Variants in ZBTB8OS observed in about 807,000 individuals in gnomAD.
The protein encoded by ZBTB8OS is tRNA-splicing ligase-activating factor archease.
A neutral mutation model predicts 29.3 loss-of-function variants in ZBTB8OS; 16 were observed. The observed-to-expected ratio is 0.55, with a 90% CI of 0.37 to 0.83. The LOEUF (loss-of-function observed/expected upper bound fraction) is 0.83. Ranked by LOEUF, ZBTB8OS falls within the 40% of genes least tolerant of loss-of-function variation. ZBTB8OS has a pLI of 0.00. For missense variants in ZBTB8OS, 160 were observed against 196.9 expected (o/e 0.81, Z 1.12); for synonymous variants, 70 against 64.6 (o/e 1.08, Z -0.40).
chr1:32,627,319 G>A (rs1355699446), intron 6 of ZBTB8OS, among the ~76,000 whole-genome samples, 189 bp downstream of exon 6: 2 of 152,250 alleles, frequency 1.3e-5, no homozygotes, highest in South Asian at 2.1e-4. Flanking sequence ...CAATGCTGAC[G>A]CCTCATCCAC....
chr1:32,629,749 C>CT (rs869185319), intron 5 of ZBTB8OS, among the ~76,000 whole-genome samples: 2,458 of 114,048 alleles, frequency 0.022, 57 homozygotes, highest in African/African-American at 0.045. Context: ...ATGCTTGTTT[C>CT]TTTTTTTTTT....
intron 2 of ZBTB8OS, 22 bp from the exon 3 acceptor site, chr1:32,634,094 C>T: frequency 6.9e-7 from 1 of 1,442,020 alleles, no homozygotes; most frequent in South Asian, 1.7e-5. Flanking sequence ...TATTCATGCT[C>T]TGTGTAATAC....
chr1:32,628,631 G>A (rs1416813028), intron 5 of ZBTB8OS, among the ~76,000 whole-genome samples: 42 of 140,024 alleles, frequency 3.0e-4, no homozygotes, highest in African/African-American at 1.1e-3. Context: ...GCGAGACTCT[G>A]TCTCAAAAAA....
At chr1:32,637,024 C>G (rs1012430031) in intron 1 of ZBTB8OS, among the ~76,000 whole-genome samples, 1 of 152,050 alleles carries the variant, frequency 6.6e-6, no homozygotes, top group Middle Eastern at 3.2e-3. Context: ...AATTTCCACA[C>G]TGTCAGCTGT....
rs190464686 is a variant in ZBTB8OS at position 32,621,750 on chromosome 1, A to G, written c.*112T>C. ...ACTTTAACTAAAATATTTCTGTTCT[A>G]CAAATTTCCATATATCAAAAAAAAG... On this transcript the variant is annotated 3_prime_UTR_variant, in exon 7 of 7. Transcript: ENST00000468695. 41 of 771,450 alleles carry G rather than the reference A, an allele frequency of 5.3e-5. No homozygotes were observed. The East Asian group carries it at 8.2e-4, about 15-fold the overall frequency. The allele number at this position is 771,450 out of a possible 1,614,324, so 47.8% of individuals were successfully genotyped here. A position where few individuals can be genotyped will look rare whatever the true frequency, so the allele number is the denominator to read the frequency against.
chr1:32,641,656 G>A (rs1282400135), intron 1 of ZBTB8OS, among the ~76,000 whole-genome samples: 2 of 147,900 alleles, frequency 1.4e-5, no homozygotes, highest in African/African-American at 4.9e-5. Context: ...GCTCACACCT[G>A]TAATCCCAGC....
chr1:32,625,150 G>C (rs1645019791), intron 6 of ZBTB8OS, among the ~76,000 whole-genome samples: 1 of 151,840 alleles, frequency 6.6e-6, no homozygotes, highest in Admixed American at 6.6e-5. Flanking sequence ...TTGAACCTGG[G>C]AGGGGGAGGT....
intron 1 of ZBTB8OS, among the ~76,000 whole-genome samples, chr1:32,645,431 G>A (rs1370419848): frequency 2.0e-5 from 3 of 152,180 alleles, no homozygotes; most frequent in South Asian, 2.1e-4. Flanking sequence ...GAGCCTAGGA[G>A]CTCAAGCTTG....
chr1:32,623,875 CTT>C, intron 6 of ZBTB8OS, among the ~76,000 whole-genome samples: 1 of 152,188 alleles, frequency 6.6e-6, no homozygotes, highest in African/African-American at 2.4e-5. Flanking sequence ...CAAATCTCAT[CTT>C]GAACTGTAGT....
intron 1 of ZBTB8OS, among the ~76,000 whole-genome samples, chr1:32,650,108 G>T (rs1647213319): frequency 6.6e-6 from 1 of 152,160 alleles, no homozygotes; most frequent in Non-Finnish European, 1.5e-5. Context: ...TCACCGTTGG[G>T]AAATACATGG....
At chr1:32,640,101 A>G (rs572842782) in intron 1 of ZBTB8OS, 2 of 148,756 alleles carry the variant, frequency 1.3e-5, no homozygotes, top group South Asian at 2.1e-4. Context: ...AACTCAAAAC[A>G]TGGTATTTTT....
In ZBTB8OS at chr1:32,627,730, A is replaced by G. The variant is rs1196176604; in HGVS notation, c.381-186T>C. ...TGAGGGACGTGTGTGCAGTGTCATC[A>G]TTTGCTCTCAAGGTTGATAGTTAAG... On this transcript the variant is annotated intron_variant, in intron 5 of 6. Coordinates refer to ENST00000468695, the MANE Select transcript of ZBTB8OS (RefSeq NM_178547.5). 6.7e-6 allele frequency: 4 copies of G among 599,228 alleles called. No individual in the cohort carries two copies. In the South Asian group the frequency reaches 8.2e-5, roughly 12 times the overall value. The allele number at this position is 599,228 out of a possible 1,614,324, so 37.1% of individuals were successfully genotyped here.
chr1:32,631,291 G>A (rs1172994836), intron 5 of ZBTB8OS, among the ~76,000 whole-genome samples: 2 of 150,448 alleles, frequency 1.3e-5, no homozygotes, highest in Non-Finnish European at 2.9e-5. Context: ...GGAGGCTGAA[G>A]CTGCAGTGAG....
chr1:32,639,618 C>T (rs1646249028), intron 1 of ZBTB8OS, among the ~76,000 whole-genome samples: 1 of 151,440 alleles, frequency 6.6e-6, no homozygotes, highest in East Asian at 2.0e-4. Context: ...AAAAACCAGG[C>T]GTGGTAGTGC....
chr1:32,632,078 T>G (rs1448395705), intron 4 of ZBTB8OS, 199 bp from the exon 5 acceptor site: 1 of 268,468 alleles, frequency 3.7e-6, no homozygotes. Context: ...CTCGGCTCAC[T>G]GCAACCTCCA....
Position 32,627,503 on chromosome 1 carries a change from C to G in ZBTB8OS, c.417+5G>C. ...TGTTCTTAATGGCTGGATTTTAAAA[C>G]ATACCTGAGGGTGCTTGGACAATGA... On this transcript the variant is annotated splice_donor_5th_base_variant and intron_variant, in intron 6 of 6. Coordinates refer to ENST00000468695, the MANE Select transcript of ZBTB8OS (RefSeq NM_178547.5). 1 of 1,613,088 alleles carries G rather than the reference C, an allele frequency of 6.2e-7. No individual in the cohort carries two copies. Among genetic ancestry groups the G allele is most frequent in the Non-Finnish European group, 8.5e-7 (1 of 1,179,644 alleles).
chr1:32,647,041 CAAAAAAAAAAAAAAAA>C (rs71006347), intron 1 of ZBTB8OS, among the ~76,000 whole-genome samples: 825 of 39,424 alleles, frequency 0.021, 24 homozygotes, highest in South Asian at 0.11. Context: ...GATACTGTCT[CAAAAAAAAAAAAAAAA>C]AAAAAAAAAA....
intron 1 of ZBTB8OS, among the ~76,000 whole-genome samples, chr1:32,638,523 A>AC (rs1349555583): frequency 6.6e-6 from 1 of 151,962 alleles, no homozygotes; most frequent in East Asian, 1.9e-4. Context: ...ATTATTGAAG[A>AC]CCCCAAAGAG....
intron 1 of ZBTB8OS, among the ~76,000 whole-genome samples, chr1:32,643,070 CTT>C (rs71006346): frequency 4.7e-5 from 5 of 107,480 alleles, no homozygotes; most frequent in South Asian, 3.3e-4. Context: ...CGTGCCTGGC[CTT>C]TTTTTTTTTT....
Sources: gnomAD v4.1 joint callset for allele counts (sites outside exome capture counted in the v4.1 genomes callset) on GRCh38, gnomAD v4.1.1 for gene constraint, MANE v1.5 for transcripts, NCBI Gene and HGNC (gene_info 2026-07-23, HGNC 2026-07-21) for gene names.